PSMC4: variants seen among roughly 807,000 people sequenced by gnomAD.
PSMC4 encodes 26S proteasome regulatory subunit 6B.
In PSMC4, 13 loss-of-function variants were observed where a neutral mutation model predicts 48.4. The observed-to-expected ratio is 0.27, with a 90% CI of 0.18 to 0.43. The LOEUF (loss-of-function observed/expected upper bound fraction) is 0.43. PSMC4 is among the 20% of genes least tolerant of loss of function. PSMC4 has a pLI of 1.00. For missense variants in PSMC4, 262 were observed against 555.9 expected (o/e 0.47, Z 5.32); for synonymous variants, 202 against 212.3 (o/e 0.95, Z 0.42).
rs1599726046 is a variant in PSMC4 at position 39,972,515 on chromosome 19, G to A, written c.282G>A (p.Glu94=). 6.2e-7 allele frequency: 1 copy of A among 1,614,104 alleles called. No individual in the cohort carries two copies. The highest frequency in any genetic ancestry group is 1.1e-5 in the South Asian group (1 of 91,078). The change falls in exon 3 of 11, where the codon GAG becomes GAA. Residue 94 remains glutamate, a synonymous_variant. Transcript: ENST00000157812. ...CGCTGGTCATCGGACAATTTCTGGA[G>A]GCTGTGGATCAGAATACAGCCATCG... ...SIPLVIGQFL[E]AVDQNTAIVG...
In PSMC4 at chr19:39,971,183, C is replaced by T. The variant is rs1252860356; in HGVS notation, c.-20C>T. The stretch of plus-strand genomic sequence containing the variant: ...CGGTGACAGATCATCCCAGGCCACA[C>T]AGAGGCCGGCTTGGTCACTATGGAG... On this transcript the variant is annotated 5_prime_UTR_variant, in exon 1 of 11. Transcript: ENST00000157812. 3 of 1,613,964 alleles carry T rather than the reference C, an allele frequency of 1.9e-6. No individual in the cohort carries two copies. Among genetic ancestry groups the T allele is most frequent in the African/African-American group, 1.3e-5 (1 of 75,060 alleles).
rs1057235403 is a variant in PSMC4 at position 39,974,002 on chromosome 19, T to G, written c.323-292T>G. On this transcript the variant is annotated intron_variant, in intron 3 of 10. Transcript: ENST00000157812. This position sits in a 1 kb window ranked among gnomAD's most constrained non-coding sequence, Gnocchi z 5.5. The stretch of plus-strand genomic sequence containing the variant: ...CAGGAGGCTGCTGGTCAGCCAGGTC[T>G]GACAATCAGGAGAGAGACTGAGCCT... Among the ~76,000 whole-genome samples, 1 of 152,120 alleles carries G rather than the reference T, an allele frequency of 6.6e-6. No individual in the cohort carries two copies. The highest frequency in any genetic ancestry group is 1.5e-5 in the Non-Finnish European group (1 of 68,024).
At position 39,981,453 on chromosome 19, in the gene PSMC4, C is replaced by CTAA; in HGVS notation, c.*149_*150insAAT. On this transcript the variant is annotated 3_prime_UTR_variant, in exon 11 of 11. Transcript: ENST00000157812. Reference sequence around the variant, plus strand: ...TAAGATCGAATCCATTTAATTTCTTCTTAGAAGTTTAACTCCTTTGGAGAA... The same window carrying CTAA: ...TAAGATCGAATCCATTTAATTTCTTCTAATTAGAAGTTTAACTCCTTTGGAGAA... 1.6e-6 allele frequency: 1 copy of CTAA among 612,838 alleles called. No individual in the cohort carries two copies. Among genetic ancestry groups the CTAA allele is most frequent in the East Asian group, 2.9e-5 (1 of 35,022 alleles). 38.0% of individuals were successfully genotyped at this position (612,838 alleles called of 1,614,324 possible).
In PSMC4 at chr19:39,972,676, G is replaced by A. The variant is rs570479865; in HGVS notation, c.322+121G>A. The A allele has an allele frequency of 8.6e-5, 61 of 711,102 alleles. No individual in the cohort carries two copies. The Admixed American group carries it at 1.3e-3, about 15-fold the overall frequency. The allele number at this position is 711,102 out of a possible 1,614,324, so 44.0% of individuals were successfully genotyped here. Reference sequence around the variant, plus strand: ...CAATGTTCTTCAGAGTATTTTGACTGATCGAAAGGTAGAAATACATACATA... The same window carrying A: ...CAATGTTCTTCAGAGTATTTTGACTAATCGAAAGGTAGAAATACATACATA... On this transcript the variant is annotated intron_variant, in intron 3 of 10. Transcript: ENST00000157812.
At chr19:39,978,983 A>G (rs1056215623) in intron 6 of PSMC4, among the ~76,000 whole-genome samples, 2 of 152,108 alleles carry the variant, frequency 1.3e-5, no homozygotes, top group Non-Finnish European at 2.9e-5. Flanking sequence ...CTGTACTCCA[A>G]GTCCAAAGGG....
In PSMC4 at chr19:39,974,241, A is replaced by G; in HGVS notation, c.323-53A>G. 1 of 1,600,038 alleles carries G rather than the reference A, an allele frequency of 6.2e-7. No homozygotes were observed. The highest frequency in any genetic ancestry group is 8.5e-7 in the Non-Finnish European group (1 of 1,171,278). ...TGGAGATTAGGAGGGAGGAAGGGGG[A>G]AGGGGCAGTTTCCAGGCTGACACTT... On this transcript the variant is annotated intron_variant, in intron 3 of 10. Coordinates refer to ENST00000157812, the MANE Select transcript of PSMC4 (RefSeq NM_006503.4). The surrounding 1 kb of genome is among the most constrained non-coding windows in gnomAD (Gnocchi z 5.5).
In PSMC4 at chr19:39,980,228, C is replaced by T. The variant is rs553318393; in HGVS notation, c.919-58C>T. 4.5e-5 allele frequency: 72 copies of T among 1,613,384 alleles called. No individual in the cohort carries two copies. The highest frequency in any genetic ancestry group is 4.4e-4 in the South Asian group (40 of 91,018). ...GGGCTGGCACCTAAGGGGTGGTTAT[C>T]GTGACAGGAAGGAGGTAGGAGTGCA... is the stretch of plus-strand genomic sequence containing the variant. On this transcript the variant is annotated intron_variant, in intron 8 of 10. Transcript: ENST00000157812. The surrounding 1 kb of genome is among the most constrained non-coding windows in gnomAD (Gnocchi z 4.8).
rs1971172721 is a variant in PSMC4, at chr19:39,974,848, C to T, written c.673+20C>T. 1 of 1,600,450 alleles carries T rather than the reference C, an allele frequency of 6.2e-7. No homozygotes were observed. Among genetic ancestry groups the T allele is most frequent in the Admixed American group, 1.7e-5 (1 of 59,900 alleles). ...CAACAGGTGAGCCCTTTCGCCCCTG[C>T]CCCGAGCTCTCATCTTCTGGCCTCT... On this transcript the variant is annotated intron_variant, in intron 6 of 10. Coordinates refer to ENST00000157812, the MANE Select transcript of PSMC4 (RefSeq NM_006503.4). The surrounding 1 kb of genome is among the most constrained non-coding windows in gnomAD (Gnocchi z 5.5).
In PSMC4 at chr19:39,971,230, A is replaced by G. The variant is rs1971095907; in HGVS notation, c.28A>G (p.Lys10Glu). 1 of 1,614,034 alleles carries G rather than the reference A, an allele frequency of 6.2e-7. No individual in the cohort carries two copies. Residue 10 changes from lysine to glutamate, a missense_variant, in exon 1 of 11, where the codon AAG becomes GAG. Lys to Glu is a moderately conservative substitution (Grantham distance 56). Around this residue, in one of 4 missense-constraint regions of PSMC4, gnomAD observed 33 missense variants for 35.5 expected, o/e 0.93. Coordinates refer to ENST00000157812, the MANE Select transcript of PSMC4 (RefSeq NM_006503.4). ...GGAGGAGATAGGCATCTTGGTGGAG[A>G]AGGCTCAGGTACAGTGGGGACTTGG... MEEIGILVE[K>E]AQDEIPALSV...
chr19:39,980,276 C>T lies in PSMC4; in HGVS notation c.919-10C>T, dbSNP rs375386605. The T allele has an allele frequency of 8.7e-6, 14 of 1,613,652 alleles. No homozygotes were observed. The highest frequency in any genetic ancestry group is 5.3e-5 in the African/African-American group (4 of 74,896). On this transcript the variant is annotated splice_polypyrimidine_tract_variant and intron_variant, in intron 8 of 10. Coordinates refer to ENST00000157812, the MANE Select transcript of PSMC4 (RefSeq NM_006503.4). The surrounding 1 kb of genome is among the most constrained non-coding windows in gnomAD (Gnocchi z 4.8). ...GCAGAGATCTGAGCTGGCCTGCCCC[C>T]CAATGTCAGGTAATCATGGCCACAA...
At chr19:39,976,887 T>C (rs1240612905) in intron 6 of PSMC4, among the ~76,000 whole-genome samples, 1 of 147,128 alleles carries the variant, frequency 6.8e-6, no homozygotes, top group African/African-American at 2.6e-5. Context: ...TCTCACTCTG[T>C]AGCCCAGGCT....
At chr19:39,972,769 A>G (rs1475207252) in intron 3 of PSMC4, among the ~76,000 whole-genome samples, 1 of 151,810 alleles carries the variant, frequency 6.6e-6, no homozygotes, top group Non-Finnish European at 1.5e-5. Flanking sequence ...TTGTTTTGAG[A>G]CAGAGTTTTG....
intron 3 of PSMC4, among the ~76,000 whole-genome samples, chr19:39,973,638 C>CAG (rs1381214027): frequency 6.7e-6 from 1 of 149,524 alleles, no homozygotes; most frequent in Non-Finnish European, 1.5e-5. Context: ...GAGTCCTTAT[C>CAG]AGAGTATATT....
At position 39,972,698 on chromosome 19, in the gene PSMC4, C is replaced by CATATAT. The variant is rs148599802; in HGVS notation, c.322+153_322+158dup. 806 of 523,274 alleles carry CATATAT rather than the reference C, an allele frequency of 1.5e-3. 5 individuals are homozygous for CATATAT. The highest frequency in any genetic ancestry group is 0.015 in the African/African-American group (750 of 50,162). The allele number at this position is 523,274 out of a possible 1,614,324, so 32.4% of individuals were successfully genotyped here. A position where few individuals can be genotyped will look rare whatever the true frequency, so the allele number is the denominator to read the frequency against. Reference sequence around the variant, plus strand: ...ACTGATCGAAAGGTAGAAATACATACATATATATATATATACACATATATA... The same window carrying CATATAT: ...ACTGATCGAAAGGTAGAAATACATACATATATATATATATATATATACACATATATA... On this transcript the variant is annotated intron_variant, in intron 3 of 10. Coordinates refer to ENST00000157812, the MANE Select transcript of PSMC4 (RefSeq NM_006503.4).
chr19:39,972,538 T>A lies in PSMC4; in HGVS notation c.305T>A (p.Ile102Asn). 1 of 1,613,148 alleles carries A rather than the reference T, an allele frequency of 6.2e-7. No individual in the cohort carries two copies. The highest frequency in any genetic ancestry group is 8.5e-7 in the Non-Finnish European group (1 of 1,179,314). ...GAGGCTGTGGATCAGAATACAGCCA[T>A]CGTGGGCTCTACCACAGGTGTGCTA... Reference protein sequence around the residue: ...FLEAVDQNTAIVGSTTGSNYY... With the variant: ...FLEAVDQNTANVGSTTGSNYY... Residue 102 changes from isoleucine (I) to asparagine (N), a missense_variant, in exon 3 of 11, where the codon ATC (isoleucine) becomes AAC (asparagine). Ile to Asn is a moderately radical substitution (Grantham distance 149). This residue lies in a region of PSMC4 where 131 missense variants were observed against 276.7 expected (regional missense o/e 0.47). Coordinates refer to ENST00000157812, the MANE Select transcript of PSMC4 (RefSeq NM_006503.4).
intron 10 of PSMC4, 94 bp from the exon 11 acceptor site, chr19:39,981,098 C>A (rs768793335): frequency 4.4e-5 from 40 of 918,502 alleles, no homozygotes; most frequent in Non-Finnish European, 6.7e-5. Context: ...CTCAAGTGAT[C>A]TGTATACCTC....
intron 10 of PSMC4, 144 bp from the exon 11 acceptor site, chr19:39,981,048 G>A (rs1971279868): frequency 1.5e-6 from 1 of 648,716 alleles, no homozygotes; most frequent in East Asian, 2.7e-5. Flanking sequence ...GTAGAGACAG[G>A]GTTTCACCAT....
At position 39,974,925 on chromosome 19, in the gene PSMC4, C is replaced by T. The variant is rs746803806; in HGVS notation, c.673+97C>T. 3.3e-6 allele frequency: 4 copies of T among 1,211,552 alleles called. No homozygotes were observed. The highest frequency in any genetic ancestry group is 1.5e-5 in the African/African-American group (1 of 66,564). The allele number at this position is 1,211,552 out of a possible 1,614,324, so 75.1% of individuals were successfully genotyped here. On this transcript the variant is annotated intron_variant, in intron 6 of 10. Coordinates refer to ENST00000157812, the MANE Select transcript of PSMC4 (RefSeq NM_006503.4). The surrounding 1 kb of genome is among the most constrained non-coding windows in gnomAD (Gnocchi z 5.5). ...GCACTGCACAGTAATTAGAAACAGA[C>T]TCTGGGGTCATAGCCCACGTGTGCA...
At position 39,974,883 on chromosome 19, in the gene PSMC4, T is replaced by G; in HGVS notation, c.673+55T>G. On this transcript the variant is annotated intron_variant, in intron 6 of 10. Coordinates refer to ENST00000157812, the MANE Select transcript of PSMC4 (RefSeq NM_006503.4). This position sits in a 1 kb window ranked among gnomAD's most constrained non-coding sequence, Gnocchi z 5.5. ...TCATCTTCTGGCCTCTTCGCCTTGC[T>G]CCCTGCTCGCTCACTGGCACTGCAC... 6.6e-7 allele frequency: 1 copy of G among 1,509,152 alleles called. No homozygotes were observed. The highest frequency in any genetic ancestry group is 1.1e-5 in the South Asian group (1 of 87,822). 93.5% of individuals were successfully genotyped at this position (1,509,152 alleles called of 1,614,324 possible). A position where few individuals can be genotyped will look rare whatever the true frequency, so the allele number is the denominator to read the frequency against.
Sources: allele counts gnomAD v4.1 joint callset (sites outside exome capture counted in the v4.1 genomes callset), GRCh38; gene constraint gnomAD v4.1.1; regional missense constraint gnomAD v4.1.1; non-coding constraint Gnocchi (gnomAD v3.1); transcripts MANE v1.5; gene names NCBI Gene and HGNC (gene_info 2026-07-23, HGNC 2026-07-21).